Variants in ZNF180 observed in about 807,000 individuals in gnomAD.
ZNF180 encodes zinc finger protein 180.
ZNF180 carries 11 observed loss-of-function variants against 11.8 expected under a neutral mutation model. The ratio of observed to expected loss-of-function variants is 0.93; its 90% CI spans 0.59 to 1.55. ZNF180 has a LOEUF of 1.55. ZNF180 is among the 40% of genes most tolerant of loss of function. ZNF180 has a pLI of 0.00. For missense variants in ZNF180, 773 were observed against 781.7 expected, an observed-to-expected ratio of 0.99 and a Z score of 0.13; for synonymous variants, 287 against 257.7, an observed-to-expected ratio of 1.11 and a Z score of -1.09.
intron 4 of ZNF180, among the ~76,000 whole-genome samples, chr19:44,478,462 C>T (rs1043585229): frequency 3.3e-5 from 5 of 152,110 alleles, no homozygotes; most frequent in African/African-American, 1.2e-4. Flanking sequence ...GAATTGCAAC[C>T]CAATTTTGCA....
chr19:44,493,674 GGT>G (rs1235198075), intron 2 of ZNF180, among the ~76,000 whole-genome samples: 2 of 152,122 alleles, frequency 1.3e-5, no homozygotes, highest in African/African-American at 4.8e-5. Flanking sequence ...AAGAAGTGAT[GGT>G]GTGTCACTTC....
In ZNF180 at chr19:44,500,521, G is replaced by A; in HGVS notation, c.-290C>T. 1 of 510,072 alleles carries A rather than the reference G, an allele frequency of 2.0e-6. No homozygotes were observed. The highest frequency in any genetic ancestry group is 3.5e-6 in the Non-Finnish European group (1 of 287,204). 31.6% of individuals were successfully genotyped at this position (510,072 alleles called of 1,614,324 possible). A position where few individuals can be genotyped will look rare whatever the true frequency, so the allele number is the denominator to read the frequency against. On this transcript the variant is annotated 5_prime_UTR_variant, in exon 1 of 5. Transcript: ENST00000592529. ...CGCGCGCGGGACAATGGCTGCTCTT[G>A]TGGCCGAACCCGGAAGTGCACTTGG... is the stretch of plus-strand genomic sequence containing the variant.
intron 4 of ZNF180, 114 bp from the exon 5 acceptor site, chr19:44,478,260 C>T: frequency 8.5e-7 from 1 of 1,169,742 alleles, no homozygotes; most frequent in Admixed American, 3.2e-5. Context: ...CAAATACTGA[C>T]CGATAACCTA....
intron 2 of ZNF180, among the ~76,000 whole-genome samples, chr19:44,491,338 C>T (rs1308722349): frequency 6.6e-6 from 1 of 152,210 alleles, no homozygotes; most frequent in African/African-American, 2.4e-5. Context: ...TGCTCAGAAA[C>T]AAGCTTGCAA....
Position 44,497,295 on chromosome 19 carries a change from C to G in ZNF180, c.40G>C (p.Val14Leu), listed in dbSNP as rs545494505. The G allele has an allele frequency of 1.7e-5, 27 of 1,592,928 alleles. No individual in the cohort carries two copies. The African/African-American group carries it at 3.3e-4, about 19-fold the overall frequency. ...QDEKPPEPPK[V>L]CAQDSFLPQE... is the part of the protein sequence containing the mutation. The stretch of plus-strand genomic sequence containing the variant: ...GGGTCTCCACTCACCTGTGCACAGA[C>G]CTTCGGGGGCTCTGGGGGCTTCTCA... Residue 14 changes from valine (V) to leucine (L), a missense_variant, in exon 2 of 5, where the codon GTC becomes CTC. Transcript: ENST00000592529.
At chr19:44,487,946 T>C (rs1404130930) in intron 2 of ZNF180, among the ~76,000 whole-genome samples, 2 of 152,110 alleles carry the variant, frequency 1.3e-5, no homozygotes, top group Non-Finnish European at 2.9e-5. Context: ...AGGATGGTCT[T>C]GACCTCTTGA....
intron 2 of ZNF180, among the ~76,000 whole-genome samples, chr19:44,488,046 C>T (rs1200242095): frequency 6.2e-5 from 9 of 145,102 alleles, no homozygotes; most frequent in Non-Finnish European, 1.1e-4. Flanking sequence ...ATAAACTTGA[C>T]GCCCTCGCCC....
Position 44,485,397 on chromosome 19 carries a change from T to C in ZNF180, c.52-962A>G, listed in dbSNP as rs1329082932. 2.0e-5 allele frequency among the ~76,000 whole-genome samples: 3 copies of C among 152,244 alleles called. No individual in the cohort carries two copies. The East Asian group carries it at 5.8e-4, about 29-fold the overall frequency. ...ATTAGAGACCATAAGTTCACATGGA[T>C]ACCTCCAATTACAATTCAATAACAC... On this transcript the variant is annotated intron_variant, in intron 2 of 4. Coordinates refer to ENST00000592529, the MANE Select transcript of ZNF180 (RefSeq NM_001278509.3).
chr19:44,489,171 C>T (rs1173208706), intron 2 of ZNF180, among the ~76,000 whole-genome samples: 1 of 137,632 alleles, frequency 7.3e-6, no homozygotes, highest in Non-Finnish European at 1.6e-5. Flanking sequence ...AGCCCCCCGC[C>T]GGGCCAGCCG....
At chr19:44,498,576 A>C (rs1970650846) in intron 1 of ZNF180, among the ~76,000 whole-genome samples, 1 of 152,098 alleles carries the variant, frequency 6.6e-6, no homozygotes, top group Non-Finnish European at 1.5e-5. Context: ...GGCTGTGATC[A>C]GGGTTCCAAT....
In ZNF180 at chr19:44,477,629, A is replaced by G. The variant is rs139196754; in HGVS notation, c.771T>C (p.His257=). Residue 257 remains histidine, a synonymous_variant, in exon 5 of 5, where the codon CAT becomes CAC. Transcript: ENST00000592529. The part of the protein sequence containing the change: ...GFSDRIQSFC[H]GTPLHIHEKI... ...TTTCATGTATATGTAGGGGTGTACC[A>G]TGGCAAAAAGATTGAATACGGTCAC... 4 of 1,613,902 alleles carry G rather than the reference A, an allele frequency of 2.5e-6. No homozygotes were observed. Among genetic ancestry groups the G allele is most frequent in the Non-Finnish European group, 3.4e-6 (4 of 1,179,962 alleles).
At chr19:44,488,911 G>A (rs1428849059) in intron 2 of ZNF180, among the ~76,000 whole-genome samples, 2 of 149,784 alleles carry the variant, frequency 1.3e-5, no homozygotes, top group Non-Finnish European at 3.0e-5. Flanking sequence ...CCTCTGCCTG[G>A]CAACCGCCCC....
In ZNF180 at chr19:44,497,300, G is replaced by A. The variant is rs756559166; in HGVS notation, c.35C>T (p.Pro12Leu). The A allele has an allele frequency of 1.3e-5, 20 of 1,592,546 alleles. No individual in the cohort carries two copies. The highest frequency in any genetic ancestry group is 1.2e-4 in the East Asian group (5 of 42,802). The stretch of plus-strand genomic sequence containing the variant: ...TCCACTCACCTGTGCACAGACCTTC[G>A]GGGGCTCTGGGGGCTTCTCATCCTG... ...EEQDEKPPEP[P>L]KVCAQDSFLP... Residue 12 changes from proline (P) to leucine (L), a missense_variant, in exon 2 of 5, where the codon CCG becomes CTG. Transcript: ENST00000592529.
At chr19:44,499,766 C>T (rs923684342) in intron 1 of ZNF180, among the ~76,000 whole-genome samples, 5 of 152,202 alleles carry the variant, frequency 3.3e-5, no homozygotes, top group Non-Finnish European at 4.4e-5. Context: ...CGCCCCCAGA[C>T]CTTGGAGAAG....
In ZNF180 at chr19:44,500,056, G is replaced by A. The variant is rs368519342; in HGVS notation, c.-44+219C>T. ...CTGGGCATCCTCAGGCCCCAGACAAGAGCACCACCTGACCAAGCACCCGCG... is the reference window on the plus strand; with the variant it reads ...CTGGGCATCCTCAGGCCCCAGACAAAAGCACCACCTGACCAAGCACCCGCG... On this transcript the variant is annotated intron_variant, in intron 1 of 4. Transcript: ENST00000592529. 56 of 1,239,200 alleles carry A rather than the reference G, an allele frequency of 4.5e-5. No individual in the cohort carries two copies. The African/African-American group carries it at 7.3e-4, about 16-fold the overall frequency. 76.8% of individuals were successfully genotyped at this position (1,239,200 alleles called of 1,614,324 possible).
At chr19:44,492,322 T>C (rs933388960) in intron 2 of ZNF180, among the ~76,000 whole-genome samples, 3 of 152,184 alleles carry the variant, frequency 2.0e-5, no homozygotes, top group African/African-American at 4.8e-5. Context: ...GTTTGGGACA[T>C]AGGAATAGAA....
At chr19:44,484,668 T>C in intron 2 of ZNF180, 1 of 555,780 alleles carries the variant, frequency 1.8e-6, no homozygotes, top group South Asian at 2.0e-5. Context: ...GAGGTCTTTT[T>C]GGGTCTTCTG....
At chr19:44,485,311 AT>A (rs1295683191) in intron 2 of ZNF180, among the ~76,000 whole-genome samples, 1 of 152,224 alleles carries the variant, frequency 6.6e-6, no homozygotes, top group Non-Finnish European at 1.5e-5. Context: ...TGCTGTGAAT[AT>A]ACAAACAGAT....
intron 2 of ZNF180, among the ~76,000 whole-genome samples, chr19:44,491,298 C>A (rs1386149930): frequency 1.3e-5 from 2 of 152,220 alleles, no homozygotes; most frequent in East Asian, 3.8e-4. Flanking sequence ...GTATCCAGAA[C>A]CTGCTCCCAA....
Sources: gnomAD v4.1 joint callset for allele counts (sites outside exome capture counted in the v4.1 genomes callset) on GRCh38, gnomAD v4.1.1 for gene constraint, MANE v1.5 for transcripts, NCBI Gene and HGNC (gene_info 2026-07-23, HGNC 2026-07-21) for gene names.